IGF1: variants seen among roughly 807,000 people sequenced by gnomAD.
IGF1 encodes insulin-like growth factor 1.
Under a neutral mutation model 13.8 loss-of-function variants are expected in IGF1, and 4 were observed. The observed-to-expected ratio is 0.29, with a 90% CI of 0.14 to 0.66. The LOEUF is 0.66. IGF1 is among the 30% of genes least tolerant of loss of function. The probability of loss-of-function intolerance (pLI) is 0.78; values close to 1 mark genes in which losing one functional copy is unlikely to be tolerated. For synonymous variants in IGF1, 76 were observed against 72.6 expected (o/e 1.05, Z -0.23); for missense variants, 124 against 188.5 (o/e 0.66, Z 2.00).
intron 3 of IGF1, among the ~76,000 whole-genome samples, chr12:102,410,266 C>A (rs1874519738): frequency 6.6e-6 from 1 of 152,140 alleles, no homozygotes; most frequent in Non-Finnish European, 1.5e-5. Flanking sequence ...CTTTAATAGT[C>A]ATGAAGGATG....
chr12:102,449,756 A>G (rs1878750439), intron 2 of IGF1, among the ~76,000 whole-genome samples: 1 of 150,270 alleles, frequency 6.7e-6, no homozygotes, highest in Admixed American at 6.6e-5. Context: ...GAGGGATTTT[A>G]TGAATTCAAG....
At chr12:102,428,236 G>GTGTATATATATATATATATATATA (rs371640003) in intron 2 of IGF1, among the ~76,000 whole-genome samples, 4 of 69,480 alleles carry the variant, frequency 5.8e-5, no homozygotes, top group Non-Finnish European at 9.8e-5. Flanking sequence ...TCAATAATGT[G>GTGTATATATATATATATATATATA]TATATATATA....
chr12:102,402,577 AG>A lies in IGF1; in HGVS notation c.403-12del. 1.3e-6 allele frequency: 1 copy of A among 780,660 alleles called. No individual in the cohort carries two copies. The highest frequency in any genetic ancestry group is 2.4e-6 in the Non-Finnish European group (1 of 417,818). The allele number at this position is 780,660 out of a possible 1,614,324, so 48.4% of individuals were successfully genotyped here. A position where few individuals can be genotyped will look rare whatever the true frequency, so the allele number is the denominator to read the frequency against. On this transcript the variant is annotated splice_polypyrimidine_tract_variant and intron_variant, in intron 3 of 3. Coordinates refer to ENST00000337514, the MANE Select transcript of IGF1 (RefSeq NM_000618.5). ...CTTCAAATGTACTTCCTATAAATAA[AG>A]GAGAAAAAGTGACATTAACTTGATG...
chr12:102,475,211 C>T (rs991893785), intron 2 of IGF1, among the ~76,000 whole-genome samples: 1 of 152,104 alleles, frequency 6.6e-6, no homozygotes, highest in African/African-American at 2.4e-5. Flanking sequence ...CCCAGATCCA[C>T]ATGACTGGAG....
rs17879390 is a variant in IGF1, at chr12:102,451,900, T to C, written c.220+23743A>G. ...TGTTCTCATGATGGTGAGTGAGTTC[T>C]CATGCGATCTAATGGTTTTAGAAGG... is the stretch of plus-strand genomic sequence containing the variant. On this transcript the variant is annotated intron_variant, in intron 2 of 3. Transcript: ENST00000337514. Among the ~76,000 whole-genome samples, 675 of 152,238 alleles carry C rather than the reference T, an allele frequency of 4.4e-3. 8 individuals are homozygous for C. The highest frequency in any genetic ancestry group is 0.015 in the African/African-American group (635 of 41,554).
At chr12:102,468,588 T>A (rs1592828930) in intron 2 of IGF1, among the ~76,000 whole-genome samples, 2 of 152,356 alleles carry the variant, frequency 1.3e-5, no homozygotes, top group South Asian at 4.1e-4. Flanking sequence ...TTAAACATGA[T>A]CTCATGTATA....
rs1188095548 is a variant in IGF1, at chr12:102,399,571, A to G, written c.*2936T>C. 1 of 152,150 alleles carries G rather than the reference A, an allele frequency of 6.6e-6. No homozygotes were observed. Among genetic ancestry groups the G allele is most frequent in the Non-Finnish European group, 1.5e-5 (1 of 68,004 alleles). The allele number at this position is 152,150 out of a possible 1,614,324, so 9.4% of individuals were successfully genotyped here. On this transcript the variant is annotated 3_prime_UTR_variant, in exon 4 of 4. Transcript: ENST00000337514. ...TCAATTTGTTTTCTAGTTTTAATTCATTAAAAAATAAAATAGTGAATTGGT... is the reference window on the plus strand; with the variant it reads ...TCAATTTGTTTTCTAGTTTTAATTCGTTAAAAAATAAAATAGTGAATTGGT...
In IGF1 at chr12:102,407,166, T is replaced by C. The variant is rs547155417; in HGVS notation, c.403-4600A>G. Among the ~76,000 whole-genome samples, 72 of 119,452 alleles carry C rather than the reference T, an allele frequency of 6.0e-4. 1 individual carries two copies. Among genetic ancestry groups the C allele is most frequent in the African/African-American group, 2.0e-3 (65 of 31,928 alleles). 78.4% of individuals were successfully genotyped at this position (119,452 alleles called of 152,430 possible). A position where few individuals can be genotyped will look rare whatever the true frequency, so the allele number is the denominator to read the frequency against. On this transcript the variant is annotated intron_variant, in intron 3 of 3. Transcript: ENST00000337514. The stretch of plus-strand genomic sequence containing the variant: ...TGAGGACTAATAACAACGGCAATAA[T>C]AATAATCTTGCTTAACATTTGCAAA...
Position 102,480,404 on chromosome 12 carries a change from A to T in IGF1, c.-23T>A, listed in dbSNP as rs1449593296. Reference sequence around the variant, plus strand: ...CATTGCTTCTGAAGTACAAAGTCTGAAAATGAATTGGTTAGCAGGAATAAT... The same window carrying T: ...CATTGCTTCTGAAGTACAAAGTCTGTAAATGAATTGGTTAGCAGGAATAAT... On this transcript the variant is annotated 5_prime_UTR_variant, in exon 1 of 4. Transcript: ENST00000337514. The T allele has an allele frequency of 6.2e-7, 1 of 1,613,354 alleles. No individual in the cohort carries two copies. The highest frequency in any genetic ancestry group is 1.3e-5 in the African/African-American group (1 of 75,052).
chr12:102,448,689 T>TAAAAA (rs58794507), intron 2 of IGF1, among the ~76,000 whole-genome samples: 1 of 110,308 alleles, frequency 9.1e-6, no homozygotes, highest in East Asian at 3.1e-4. Flanking sequence ...TAGAGTATAA[T>TAAAAA]AAAAAAAAAA....
chr12:102,464,247 G>A (rs758426913), intron 2 of IGF1, among the ~76,000 whole-genome samples: 7 of 151,864 alleles, frequency 4.6e-5, no homozygotes, highest in African/African-American at 9.7e-5. Context: ...CTTGAGCTAG[G>A]CATTTTCAGT....
chr12:102,480,683 G>T, upstream of IGF1: 1 of 1,075,288 alleles, frequency 9.3e-7, no homozygotes, highest in Non-Finnish European at 1.2e-6. Flanking sequence ...ATTGAGTAAG[G>T]ACTTTTTTGG....
intron 2 of IGF1, among the ~76,000 whole-genome samples, chr12:102,434,966 G>A (rs919490291): frequency 3.9e-5 from 6 of 152,116 alleles, no homozygotes; most frequent in Admixed American, 6.5e-5. Flanking sequence ...CAGGTTTCAT[G>A]TCCACAACCA....
chr12:102,478,789 A>G, intron 1 of IGF1: 1 of 486,796 alleles, frequency 2.1e-6, no homozygotes, highest in Non-Finnish European at 3.3e-6. Context: ...CCAGATAGTG[A>G]CCCAAGCTCC....
chr12:102,415,558 C>A (rs1875044817), intron 3 of IGF1: 1 of 135,236 alleles, frequency 7.4e-6, no homozygotes. Context: ...TTCCTTCCTT[C>A]CTTCCTTCCT....
At chr12:102,449,659 C>G (rs1392741076) in intron 2 of IGF1, among the ~76,000 whole-genome samples, 1 of 144,622 alleles carries the variant, frequency 6.9e-6, no homozygotes. Context: ...TCAGCACAGG[C>G]CTCTCTCAGG....
intron 3 of IGF1, among the ~76,000 whole-genome samples, chr12:102,410,614 CAGT>C (rs1874556230): frequency 6.6e-6 from 1 of 152,292 alleles, no homozygotes; most frequent in South Asian, 2.1e-4. Context: ...CTGGTGTATG[CAGT>C]AACTCCTATT....
At chr12:102,451,756 A>C (rs542677501) in intron 2 of IGF1, among the ~76,000 whole-genome samples, 1 of 152,146 alleles carries the variant, frequency 6.6e-6, no homozygotes, top group Non-Finnish European at 1.5e-5. Context: ...AGTTTGGTTC[A>C]GTGTTGACAG....
At chr12:102,442,658 A>G (rs781129617) in intron 2 of IGF1, among the ~76,000 whole-genome samples, 1 of 152,114 alleles carries the variant, frequency 6.6e-6, no homozygotes, top group Non-Finnish European at 1.5e-5. Context: ...TCCAACAATA[A>G]CAGGAAAAAA....
Sources: gnomAD v4.1 joint callset for allele counts (sites outside exome capture counted in the v4.1 genomes callset) on GRCh38, gnomAD v4.1.1 for gene constraint, MANE v1.5 for transcripts, NCBI Gene and HGNC (gene_info 2026-07-23, HGNC 2026-07-21) for gene names.